LAMC1: variants seen among roughly 807,000 people sequenced by gnomAD.
The protein encoded by LAMC1 is laminin subunit gamma 1.
LAMC1 carries 38 observed loss-of-function variants against 173.6 expected under a neutral mutation model. The ratio of observed to expected loss-of-function variants is 0.22; its 90% CI spans 0.17 to 0.29. The LOEUF (loss-of-function observed/expected upper bound fraction) is 0.29, where lower values mean the gene tolerates loss of function less well. Ranked by LOEUF, LAMC1 falls within the 10% of genes least tolerant of loss-of-function variation. The probability of loss-of-function intolerance (pLI) is 1.00; values close to 1 mark genes in which losing one functional copy is unlikely to be tolerated. For synonymous variants in LAMC1, 746 were observed against 749.1 expected (o/e 1.00, Z 0.07); for missense variants, 1,824 against 2,051.8 (o/e 0.89, Z 2.14).
In LAMC1 at chr1:183,118,080, T is replaced by C; in HGVS notation, c.1924T>C (p.Phe642Leu). Residue 642 changes from phenylalanine to leucine, a missense_variant, in exon 11 of 28, where the codon TTT becomes CTT. By Grantham distance (22) the Phe-to-Leu change is conservative (BLOSUM62 0). Coordinates refer to ENST00000258341, the MANE Select transcript of LAMC1 (RefSeq NM_002293.4). Reference protein sequence around the residue: ...DYPWRPALTPFEFQKLLNNLT... With the variant: ...DYPWRPALTPLEFQKLLNNLT... ...CCCTTGGAGGCCTGCTCTTACCCCT[T>C]TTGAATTTCAGAAGCTCCTAAACAA... 1 of 1,613,786 alleles carries C rather than the reference T, an allele frequency of 6.2e-7. No homozygotes were observed. The highest frequency in any genetic ancestry group is 8.5e-7 in the Non-Finnish European group (1 of 1,179,732).
intron 13 of LAMC1, among the ~76,000 whole-genome samples, chr1:183,122,976 A>G (rs1157785442): frequency 6.6e-6 from 1 of 151,342 alleles, no homozygotes; most frequent in African/African-American, 2.4e-5. Flanking sequence ...GTTTCCTTAC[A>G]CTCCGTGCTG....
rs766961017 is a variant in LAMC1 at position 183,136,521 on chromosome 1, C to T, written c.4250C>T (p.Ala1417Val). Residue 1417 changes from alanine (A) to valine (V), a missense_variant, in exon 25 of 28, where the codon GCG becomes GTG. Ala to Val is a moderately conservative substitution (Grantham distance 64). Coordinates refer to ENST00000258341, the MANE Select transcript of LAMC1 (RefSeq NM_002293.4). Reference sequence around the variant, plus strand: ...CAGCAGGCCCTGGGCAGTGCTGCGGCGGATGCCACAGAGGCCAAGAACAAG... The same window carrying T: ...CAGCAGGCCCTGGGCAGTGCTGCGGTGGATGCCACAGAGGCCAAGAACAAG... ...EAQQALGSAA[A>V]DATEAKNKAH... is the part of the protein sequence containing the mutation. 2.7e-5 allele frequency: 44 copies of T among 1,613,902 alleles called. No individual in the cohort carries two copies. Among genetic ancestry groups the T allele is most frequent in the African/African-American group, 4.0e-5 (3 of 74,934 alleles).
chr1:183,035,917 A>G lies in LAMC1; in HGVS notation c.418+11783A>G, dbSNP rs1653967515. On this transcript the variant is annotated intron_variant, in intron 1 of 27. Transcript: ENST00000258341. ...CCCCCTTAGAGTATAATAGTAACCA[A>G]TCAAATCTTGTATCTCTATGTTAGC... is the stretch of plus-strand genomic sequence containing the variant. 2.0e-5 allele frequency among the ~76,000 whole-genome samples: 3 copies of G among 152,102 alleles called. No individual in the cohort carries two copies. The South Asian group carries it at 6.2e-4, about 32-fold the overall frequency.
intron 1 of LAMC1, among the ~76,000 whole-genome samples, chr1:183,079,304 GA>G (rs1357586100): frequency 2.3e-5 from 3 of 130,072 alleles, no homozygotes; most frequent in Admixed American, 9.2e-5. Context: ...ACCCAGGCTG[GA>G]GTGCAGTGGT....
At chr1:183,034,655 C>T (rs563082751) in intron 1 of LAMC1, among the ~76,000 whole-genome samples, 2 of 152,220 alleles carry the variant, frequency 1.3e-5, no homozygotes, top group South Asian at 2.1e-4. Flanking sequence ...AAAAGCTTCC[C>T]GGATCTTGAA....
At chr1:183,123,140 G>A (rs1656526785) in intron 13 of LAMC1, among the ~76,000 whole-genome samples, 1 of 152,048 alleles carries the variant, frequency 6.6e-6, no homozygotes, top group South Asian at 2.1e-4. Context: ...TAAATATGCT[G>A]CCATTAGCCT....
intron 17 of LAMC1, among the ~76,000 whole-genome samples, chr1:183,128,252 C>A (rs1206351455): frequency 6.6e-6 from 1 of 152,120 alleles, no homozygotes; most frequent in Non-Finnish European, 1.5e-5. Flanking sequence ...GAGCTTAAGA[C>A]TCATCAGCAT....
chr1:183,079,532 A>G (rs973709585), intron 1 of LAMC1, among the ~76,000 whole-genome samples: 9 of 151,994 alleles, frequency 5.9e-5, no homozygotes, highest in Non-Finnish European at 8.8e-5. Context: ...CTGGGAGGCA[A>G]TTCACCTTCC....
chr1:183,132,649 A>G, intron 21 of LAMC1, 112 bp downstream of exon 21: 1 of 779,756 alleles, frequency 1.3e-6, no homozygotes, highest in Non-Finnish European at 2.0e-6. Context: ...ATGCAGTAAG[A>G]TTTCCTTTGT....
chr1:183,025,922 GTAGA>G (rs1277334959), intron 1 of LAMC1, among the ~76,000 whole-genome samples: 1 of 152,150 alleles, frequency 6.6e-6, no homozygotes, highest in Non-Finnish European at 1.5e-5. Flanking sequence ...GATTTCAGAG[GTAGA>G]TAGATTACTC....
At chr1:183,128,383 C>A (rs1381793694) in intron 17 of LAMC1, among the ~76,000 whole-genome samples, 3 of 151,768 alleles carry the variant, frequency 2.0e-5, no homozygotes, top group Non-Finnish European at 2.9e-5. Flanking sequence ...CATATTCATG[C>A]AGCACACCAA....
At chr1:183,122,319 C>G in intron 13 of LAMC1, 68 bp downstream of exon 13, 1 of 1,465,048 alleles carries the variant, frequency 6.8e-7, no homozygotes, top group Non-Finnish European at 9.4e-7. Flanking sequence ...AAAGGGGCTT[C>G]GGAGTTGTTT....
At chr1:183,103,794 A>G (rs968942931) in intron 2 of LAMC1, 162 bp downstream of exon 2, 2 of 510,856 alleles carry the variant, frequency 3.9e-6, no homozygotes, top group East Asian at 3.1e-5. Context: ...TCTGTGTACT[A>G]TTAATAAGTG....
rs755880251 is a variant in LAMC1, at chr1:183,136,432, A to T, written c.4161A>T (p.Ala1387=). 6.2e-7 allele frequency: 1 copy of T among 1,614,222 alleles called. No individual in the cohort carries two copies. The highest frequency in any genetic ancestry group is 1.7e-5 in the Admixed American group (1 of 60,016). The change falls in exon 25 of 28, where the codon GCA becomes GCT. Residue 1387 remains alanine (A), a synonymous_variant. Coordinates refer to ENST00000258341, the MANE Select transcript of LAMC1 (RefSeq NM_002293.4). ...VNDNKTAAEE[A]LRKIPAINQT... ...ATAACAAGACGGCCGCAGAGGAGGCACTAAGGAAGATTCCTGCCATCAACC... is the reference window on the plus strand; with the variant it reads ...ATAACAAGACGGCCGCAGAGGAGGCTCTAAGGAAGATTCCTGCCATCAACC...
chr1:183,066,706 C>T (rs1189388548), intron 1 of LAMC1, among the ~76,000 whole-genome samples: 1 of 152,056 alleles, frequency 6.6e-6, no homozygotes, highest in African/African-American at 2.4e-5. Flanking sequence ...AACACAGGAA[C>T]AGAAAACCAA....
chr1:183,046,835 T>A (rs1355798795), intron 1 of LAMC1, among the ~76,000 whole-genome samples: 1 of 152,130 alleles, frequency 6.6e-6, no homozygotes, highest in Non-Finnish European at 1.5e-5. Flanking sequence ...TTTAAAAAAA[T>A]TCCCCTTAAA....
Position 183,121,758 on chromosome 1 carries a change from G to A in LAMC1, c.2026G>A (p.Ala676Thr), listed in dbSNP as rs1261337062. ...TTTGGATGATGTCACCCTGGCAAGTGCTCGTCCTGGGCCTGGAGTCCCTGC... is the reference window on the plus strand; with the variant it reads ...TTTGGATGATGTCACCCTGGCAAGTACTCGTCCTGGGCCTGGAGTCCCTGC... ...GYLDDVTLASARPGPGVPATW... is the reference protein window; with the variant it reads ...GYLDDVTLASTRPGPGVPATW... Residue 676 changes from alanine to threonine, a missense_variant, in exon 12 of 28, where the codon GCT (alanine) becomes ACT (threonine). By Grantham distance (58) the Ala-to-Thr change is moderately conservative. Coordinates refer to ENST00000258341, the MANE Select transcript of LAMC1 (RefSeq NM_002293.4). 6.2e-7 allele frequency: 1 copy of A among 1,614,156 alleles called. No individual in the cohort carries two copies. Among genetic ancestry groups the A allele is most frequent in the Admixed American group, 1.7e-5 (1 of 60,026 alleles).
intron 1 of LAMC1, among the ~76,000 whole-genome samples, chr1:183,060,110 G>T (rs1194405109): frequency 6.6e-6 from 1 of 152,142 alleles, no homozygotes; most frequent in African/African-American, 2.4e-5. Flanking sequence ...CCTCACATCT[G>T]ATCATGCCAC....
chr1:183,131,429 GT>G, intron 20 of LAMC1, 51 bp downstream of exon 20: 23 of 544,268 alleles, frequency 4.2e-5, no homozygotes, highest in Non-Finnish European at 6.6e-5. Flanking sequence ...CTGTTATGGG[GT>G]GTGTGTGTGT....
Sources: gnomAD v4.1 joint callset for allele counts (sites outside exome capture counted in the v4.1 genomes callset) on GRCh38, gnomAD v4.1.1 for gene constraint, MANE v1.5 for transcripts, NCBI Gene and HGNC (gene_info 2026-07-23, HGNC 2026-07-21) for gene names.